Variants in CCDC102B observed in about 807,000 individuals in gnomAD.
CCDC102B encodes coiled-coil domain-containing protein 102B.
A neutral mutation model predicts 57.4 loss-of-function variants in CCDC102B; 75 were observed. The observed-to-expected ratio is 1.31, with a 90% CI of 1.08 to 1.58. The LOEUF (loss-of-function observed/expected upper bound fraction) is 1.58, where lower values mean the gene tolerates loss of function less well. Among genes scored for constraint, CCDC102B ranks in the 40% most tolerant of loss-of-function variants. The pLI is 0.00. For missense variants in CCDC102B, 636 were observed against 582.6 expected (o/e 1.09, Z -0.94); for synonymous variants, 206 against 201.9 (o/e 1.02, Z -0.17).
intron 2 of CCDC102B, among the ~76,000 whole-genome samples, chr18:68,756,745 C>G (rs182478323): frequency 2.6e-5 from 4 of 152,216 alleles, no homozygotes; most frequent in Admixed American, 2.6e-4. Context: ...AACTCAGAAG[C>G]CAAGTAAGTC....
intron 2 of CCDC102B, among the ~76,000 whole-genome samples, chr18:68,762,638 A>G (rs1031265867): frequency 1.3e-5 from 2 of 152,182 alleles, no homozygotes; most frequent in African/African-American, 4.8e-5. Flanking sequence ...TCTGTACTTA[A>G]TAAGGAAAGA....
At chr18:69,031,449 C>A (rs1568137023) in intron 7 of CCDC102B, among the ~76,000 whole-genome samples, 1 of 141,774 alleles carries the variant, frequency 7.1e-6, no homozygotes, top group East Asian at 2.0e-4. Context: ...TCCTGGAGAC[C>A]TTTTTTTTTT....
At chr18:69,011,580 AT>A in intron 7 of CCDC102B, among the ~76,000 whole-genome samples, 1 of 151,694 alleles carries the variant, frequency 6.6e-6, no homozygotes, top group Middle Eastern at 3.4e-3. Flanking sequence ...TATTTTAGAA[AT>A]TCCTGGAAGA....
At chr18:68,818,223 C>CTGTT (rs1555706567) in intron 1 of CCDC102B, among the ~76,000 whole-genome samples, 6,229 of 151,850 alleles carry the variant, frequency 0.041, 346 homozygotes, top group African/African-American at 0.13. Flanking sequence ...TCCCTGTGGT[C>CTGTT]TGTACTTCAA....
In CCDC102B at chr18:68,900,837, C is replaced by A. The variant is rs570503147; in HGVS notation, c.1263+3409C>A. ...AACCAGCAAGTTATTACAGCCAGTTCGAAGGAAAATCTAAGTGTCATACAA... is the reference window on the plus strand; with the variant it reads ...AACCAGCAAGTTATTACAGCCAGTTAGAAGGAAAATCTAAGTGTCATACAA... On this transcript the variant is annotated intron_variant, in intron 6 of 7. Coordinates refer to ENST00000360242, the MANE Select transcript of CCDC102B (RefSeq NM_024781.3). Among the ~76,000 whole-genome samples, 9 of 152,154 alleles carry A rather than the reference C, an allele frequency of 5.9e-5. No individual in the cohort carries two copies. The East Asian group carries it at 1.7e-3, about 29-fold the overall frequency.
At chr18:68,847,108 T>C (rs2037902635) in intron 4 of CCDC102B, among the ~76,000 whole-genome samples, 1 of 151,672 alleles carries the variant, frequency 6.6e-6, no homozygotes, top group African/African-American at 2.4e-5. Context: ...AAAAGAAAAA[T>C]AATGGGCAAA....
At chr18:68,722,128 A>G (rs1006508962) in intron 2 of CCDC102B, among the ~76,000 whole-genome samples, 11 of 152,144 alleles carry the variant, frequency 7.2e-5, no homozygotes, top group African/African-American at 2.7e-4. Context: ...TTAGATCCGT[A>G]GTATTGTCTC....
At chr18:68,792,805 TTTC>T (rs2035505334) in intron 2 of CCDC102B, among the ~76,000 whole-genome samples, 3 of 152,352 alleles carry the variant, frequency 2.0e-5, no homozygotes, top group South Asian at 4.1e-4. Context: ...CTTAAATTGT[TTTC>T]TTAACTTTTC....
intron 6 of CCDC102B, among the ~76,000 whole-genome samples, chr18:68,941,859 T>C (rs575806310): frequency 2.4e-4 from 37 of 152,230 alleles, no homozygotes; most frequent in African/African-American, 8.7e-4. Context: ...AAAATTTTCA[T>C]ATTTCCTTTA....
intron 5 of CCDC102B, among the ~76,000 whole-genome samples, chr18:68,893,728 G>A (rs1014434324): frequency 6.6e-6 from 1 of 152,138 alleles, no homozygotes; most frequent in Admixed American, 6.6e-5. Flanking sequence ...AGCCATGGCA[G>A]TTGAAGAATG....
chr18:69,014,381 G>A (rs2051602962), intron 7 of CCDC102B, among the ~76,000 whole-genome samples: 1 of 152,124 alleles, frequency 6.6e-6, no homozygotes. Context: ...CTAGAGAGTA[G>A]AGCTAAGGAA....
intron 7 of CCDC102B, among the ~76,000 whole-genome samples, chr18:69,037,630 G>C (rs2052330025): frequency 6.6e-6 from 1 of 151,876 alleles, no homozygotes; most frequent in African/African-American, 2.4e-5. Context: ...AACAAAAGAA[G>C]AAAGAACATG....
chr18:68,921,891 A>G (rs2145111037), intron 6 of CCDC102B, among the ~76,000 whole-genome samples: 1 of 152,290 alleles, frequency 6.6e-6, no homozygotes, highest in South Asian at 2.1e-4. Flanking sequence ...TGTTTAAACC[A>G]TTGTTAGTCA....
chr18:68,921,103 C>T (rs1381884483), intron 6 of CCDC102B, among the ~76,000 whole-genome samples: 1 of 152,176 alleles, frequency 6.6e-6, no homozygotes, highest in African/African-American at 2.4e-5. Flanking sequence ...CTAGCTACTT[C>T]AGAGGTGCCC....
intron 6 of CCDC102B, among the ~76,000 whole-genome samples, chr18:68,906,271 G>A (rs1245583884): frequency 1.3e-5 from 2 of 151,904 alleles, no homozygotes; most frequent in African/African-American, 2.4e-5. Flanking sequence ...TTTGAATAGT[G>A]CTGCTGTAAT....
intron 1 of CCDC102B, among the ~76,000 whole-genome samples, chr18:68,833,101 A>G (rs781156479): frequency 6.6e-6 from 1 of 152,214 alleles, no homozygotes; most frequent in African/African-American, 2.4e-5. Flanking sequence ...AAAAATTTAT[A>G]GTGAAAACAG....
intron 6 of CCDC102B, among the ~76,000 whole-genome samples, chr18:68,999,990 C>A (rs904117717): frequency 6.6e-6 from 1 of 152,096 alleles, no homozygotes; most frequent in African/African-American, 2.4e-5. Context: ...TACATGCTCT[C>A]TGGGAATTGT....
chr18:68,881,130 G>A (rs1479773580), intron 5 of CCDC102B, among the ~76,000 whole-genome samples: 1 of 152,202 alleles, frequency 6.6e-6, no homozygotes, highest in Non-Finnish European at 1.5e-5. Context: ...TAACCAATGA[G>A]TGGAAGATGT....
intron 6 of CCDC102B, among the ~76,000 whole-genome samples, chr18:68,978,865 T>G (rs1438731130): frequency 6.6e-6 from 1 of 152,064 alleles, no homozygotes; most frequent in African/African-American, 2.4e-5. Flanking sequence ...TTAATGTATT[T>G]GTAATATATG....
Sources: gnomAD v4.1 joint callset for allele counts (sites outside exome capture counted in the v4.1 genomes callset) on GRCh38, gnomAD v4.1.1 for gene constraint, MANE v1.5 for transcripts, NCBI Gene and HGNC (gene_info 2026-07-23, HGNC 2026-07-21) for gene names.